The following HEXB variants were observed in gnomAD, a reference collection of about 807,000 sequenced individuals.
HEXB encodes the protein beta-hexosaminidase subunit beta.
Under a neutral mutation model 71.2 loss-of-function variants are expected in HEXB, and 51 were observed. The observed-to-expected ratio is 0.72, with a 90% confidence interval of 0.57 to 0.90. The LOEUF (loss-of-function observed/expected upper bound fraction) is 0.90. Among genes scored for constraint, HEXB ranks in the 40% least tolerant of loss-of-function variants. The pLI is 0.00. For missense variants in HEXB, 617 were observed against 677.0 expected (o/e 0.91, Z 0.98); for synonymous variants, 266 against 249.3 (o/e 1.07, Z -0.63).
chr5:74,646,859 G>A (rs374634582), intron 1 of HEXB, among the ~76,000 whole-genome samples: 57 of 152,132 alleles, frequency 3.7e-4, no homozygotes, highest in African/African-American at 1.1e-3. Flanking sequence ...GAGCCACCAC[G>A]CCCGGCAACA....
intron 1 of HEXB, among the ~76,000 whole-genome samples, chr5:74,662,155 G>C (rs1195472044): frequency 6.6e-6 from 1 of 151,152 alleles, no homozygotes; most frequent in Admixed American, 6.6e-5. Context: ...AAACCACCAT[G>C]ATTTTAAGCT....
intron 6 of HEXB, among the ~76,000 whole-genome samples, chr5:74,706,869 G>A (rs1299386992): frequency 5.1e-4 from 77 of 151,398 alleles, no homozygotes; most frequent in African/African-American, 1.8e-3. Flanking sequence ...CTGGGGGCAG[G>A]GCACAGACAA....
intron 1 of HEXB, among the ~76,000 whole-genome samples, chr5:74,679,847 C>CAAGTATG (rs1748707317): frequency 8.5e-6 from 1 of 118,172 alleles, no homozygotes; most frequent in African/African-American, 3.1e-5. Flanking sequence ...AGGCAGAAAT[C>CAAGTATG]AAGTCCAGGC....
At chr5:74,659,417 G>T (rs550884109) in intron 1 of HEXB, among the ~76,000 whole-genome samples, 3 of 152,314 alleles carry the variant, frequency 2.0e-5, no homozygotes, top group Non-Finnish European at 2.9e-5. Flanking sequence ...AGGAGACAAG[G>T]CCACTTGTCT....
rs547924164 is a variant in HEXB, at chr5:74,706,474, G to A, written c.771+1154G>A. ...ACAGTGGGTGCAGCGCATCATGCGC[G>A]AGCCGAAGCAGGGTGAGGCGTTGCC... is the stretch of plus-strand genomic sequence containing the variant. On this transcript the variant is annotated intron_variant, in intron 6 of 13. Coordinates refer to ENST00000261416, the MANE Select transcript of HEXB (RefSeq NM_000521.4). Among the ~76,000 whole-genome samples, 22 of 152,258 alleles carry A rather than the reference G, an allele frequency of 1.4e-4. No homozygotes were observed. The East Asian group carries it at 3.5e-3, about 24-fold the overall frequency.
Position 74,652,289 on chromosome 5 carries a change from A to G in HEXB, c.-377+11731A>G, listed in dbSNP as rs1378779129. Among the ~76,000 whole-genome samples the G allele has an allele frequency of 6.6e-6, 1 of 152,170 alleles. No individual in the cohort carries two copies. Among genetic ancestry groups the G allele is most frequent in the African/African-American group, 2.4e-5 (1 of 41,434 alleles). On this transcript the variant is annotated intron_variant, in intron 1 of 13. Coordinates refer to the HEXB transcript ENST00000511181. The surrounding 1 kb of genome is among the most constrained non-coding windows in gnomAD (Gnocchi z 5.4). The stretch of plus-strand genomic sequence containing the variant: ...AATGATGCGTTTGAACTTGTGCAAG[A>G]ATCCAGTTATTAAATGGCAGAATCC...
intron 1 of HEXB, among the ~76,000 whole-genome samples, chr5:74,671,737 C>A (rs1748543794): frequency 6.6e-6 from 1 of 152,098 alleles, no homozygotes; most frequent in African/African-American, 2.4e-5. Flanking sequence ...CTTATACTTG[C>A]TGATTCTTTT....
At chr5:74,642,352 CA>C (rs1221983876) in intron 1 of HEXB, among the ~76,000 whole-genome samples, 1 of 152,016 alleles carries the variant, frequency 6.6e-6, no homozygotes, top group East Asian at 1.9e-4. Flanking sequence ...TATGGAGAGC[CA>C]GGGGGGCTGC....
chr5:74,685,116 C>T (rs1036849389), upstream of HEXB: 7 of 871,204 alleles, frequency 8.0e-6, no homozygotes, highest in Non-Finnish European at 1.1e-5. Context: ...CTCCCGGGGC[C>T]TGGAGGCGGA....
chr5:74,702,321 G>A (rs570986825), intron 5 of HEXB, among the ~76,000 whole-genome samples: 21 of 151,600 alleles, frequency 1.4e-4, no homozygotes, highest in South Asian at 6.2e-4. Flanking sequence ...CTCGTGATCC[G>A]CCCGCCTCGG....
intron 1 of HEXB, among the ~76,000 whole-genome samples, chr5:74,644,402 C>T (rs1312339295): frequency 6.6e-6 from 1 of 152,160 alleles, no homozygotes; most frequent in Non-Finnish European, 1.5e-5. Flanking sequence ...GGAATAAGCC[C>T]TCCATTCCCA....
At chr5:74,643,014 T>C (rs1280048753) in intron 1 of HEXB, among the ~76,000 whole-genome samples, 1 of 152,148 alleles carries the variant, frequency 6.6e-6, no homozygotes, top group African/African-American at 2.4e-5. Context: ...AGATAAGCAA[T>C]ACAAGAGAAA....
Position 74,648,655 on chromosome 5 carries a change from A to G in HEXB, c.-377+8097A>G, listed in dbSNP as rs113546745. On this transcript the variant is annotated intron_variant, in intron 1 of 13. Coordinates refer to the HEXB transcript ENST00000511181. ...TGAAAGTGAACAGGAACACCTAGGT[A>G]CATTCTAATTTTTCAAACAGTGGTT... Among the ~76,000 whole-genome samples, 811 of 152,356 alleles carry G rather than the reference A, an allele frequency of 5.3e-3. 5 individuals carry two copies. The highest frequency in any genetic ancestry group is 0.018 in the African/African-American group (760 of 41,578).
chr5:74,706,677 C>T (rs1240743111), intron 6 of HEXB, among the ~76,000 whole-genome samples: 3 of 152,138 alleles, frequency 2.0e-5, no homozygotes, highest in African/African-American at 4.8e-5. Context: ...CCTACGTGCA[C>T]GGAGTCTCGC....
chr5:74,703,701 T>G (rs1206052798), intron 5 of HEXB, among the ~76,000 whole-genome samples: 1 of 152,140 alleles, frequency 6.6e-6, no homozygotes, highest in Non-Finnish European at 1.5e-5. Flanking sequence ...GGTCTCACTG[T>G]CACCCCCAGG....
chr5:74,657,902 G>T (rs949001676), intron 1 of HEXB, among the ~76,000 whole-genome samples: 15 of 152,066 alleles, frequency 9.9e-5, no homozygotes, highest in African/African-American at 3.1e-4. Flanking sequence ...ATGAAGTCCG[G>T]GTTTTTCAGT....
rs1561226697 is a variant in HEXB, at chr5:74,715,594, C to T, written c.986C>T (p.Thr329Ile). The T allele has an allele frequency of 6.2e-7, 1 of 1,608,208 alleles. No individual in the cohort carries two copies. Among genetic ancestry groups the T allele is most frequent in the Non-Finnish European group, 8.5e-7 (1 of 1,174,704 alleles). The change falls in exon 8 of 14, where the codon ACA becomes ATA. Residue 329 changes from threonine to isoleucine, a missense_variant. By Grantham distance (89) the Thr-to-Ile change is moderately conservative. Transcript: ENST00000261416. Reference protein sequence around the residue: ...FGPINPTLNTTYSFLTTFFKE... With the variant: ...FGPINPTLNTIYSFLTTFFKE... ...CCTATAAACCCTACTCTGAATACAA[C>T]ATACAGCTTCCTTACTACATTTTTC... is the stretch of plus-strand genomic sequence containing the variant.
At position 74,642,443 on chromosome 5, in the gene HEXB, G is replaced by C. The variant is rs6888251; in HGVS notation, c.-377+1885G>C. The stretch of plus-strand genomic sequence containing the variant: ...AGATGGAAACTCTGTAGACTCCAGA[G>C]ATAGGTGCTGAAAAGATGGGAGGCG... On this transcript the variant is annotated intron_variant, in intron 1 of 13. Coordinates refer to the HEXB transcript ENST00000511181. 4.2e-3 allele frequency among the ~76,000 whole-genome samples: 645 copies of C among 152,312 alleles called. 5 individuals carry two copies. Among genetic ancestry groups the C allele is most frequent in the African/African-American group, 0.015 (613 of 41,556 alleles).
chr5:74,648,113 C>T (rs549626921), intron 1 of HEXB, among the ~76,000 whole-genome samples: 2 of 152,292 alleles, frequency 1.3e-5, no homozygotes, highest in Admixed American at 1.3e-4. Flanking sequence ...CTCAGTTTCT[C>T]ATCAGTAAAA....
Sources: gnomAD v4.1 joint callset for allele counts (sites outside exome capture counted in the v4.1 genomes callset) on GRCh38, gnomAD v4.1.1 for gene constraint, Gnocchi (gnomAD v3.1) non-coding constraint, MANE v1.5 for transcripts, NCBI Gene and HGNC (gene_info 2026-07-23, HGNC 2026-07-21) for gene names.